Variants in PVT1 observed in about 807,000 individuals in gnomAD.
The protein encoded by PVT1 is CXCR4/PVT1 fusion.
chr8:127,895,419 C>G (rs554756276), intron 3 of PVT1, among the ~76,000 whole-genome samples: 3 of 151,972 alleles, frequency 2.0e-5, no homozygotes, highest in Non-Finnish European at 4.4e-5. Flanking sequence ...TGCAGTGAGC[C>G]GAGATTGCAC....
chr8:128,097,264 G>T (rs1814440946), intron 6 of PVT1, among the ~76,000 whole-genome samples: 1 of 152,150 alleles, frequency 6.6e-6, no homozygotes, highest in Admixed American at 6.5e-5. Context: ...GGAAGGCTGA[G>T]GCAGGAGAAT....
chr8:127,912,397 G>T (rs1377401751), intron 3 of PVT1, among the ~76,000 whole-genome samples: 2 of 152,166 alleles, frequency 1.3e-5, no homozygotes, highest in African/African-American at 4.8e-5. Context: ...GAGGAATTAA[G>T]TAATCTGCCA....
intron 2 of PVT1, among the ~76,000 whole-genome samples, chr8:127,843,883 C>T (rs1326300111): frequency 6.6e-6 from 1 of 151,934 alleles, no homozygotes; most frequent in East Asian, 1.9e-4. Flanking sequence ...TGGACGATGC[C>T]TTCCAAAGCT....
intron 4 of PVT1, chr8:128,008,982 C>A (rs1347839151): frequency 3.9e-6 from 2 of 511,402 alleles, no homozygotes; most frequent in Non-Finnish European, 8.2e-6. Flanking sequence ...CACACAATTG[C>A]AGCCACCTAT....
intron 3 of PVT1, chr8:127,960,601 G>A (rs1225407667): frequency 2.1e-6 from 1 of 470,356 alleles, no homozygotes; most frequent in Non-Finnish European, 4.3e-6. Context: ...AAATCAGCAA[G>A]CTGAAGATAG....
chr8:128,097,809 C>T (rs1003696563), intron 6 of PVT1, among the ~76,000 whole-genome samples: 3 of 152,172 alleles, frequency 2.0e-5, no homozygotes, highest in African/African-American at 4.8e-5. Context: ...GGGCCTTCAG[C>T]GTAGGGATGA....
intron 3 of PVT1, among the ~76,000 whole-genome samples, chr8:127,911,035 G>A (rs891675995): frequency 4.6e-5 from 7 of 152,056 alleles, no homozygotes; most frequent in Non-Finnish European, 7.4e-5. Flanking sequence ...AGAAGGATGG[G>A]GCTATGGGCT....
intron 3 of PVT1, among the ~76,000 whole-genome samples, chr8:127,902,777 T>C (rs1225505273): frequency 6.6e-6 from 1 of 152,244 alleles, no homozygotes; most frequent in African/African-American, 2.4e-5. Flanking sequence ...CATTCTTTTA[T>C]ATGGTTGCAT....
At chr8:128,077,163 T>C (rs1294976573) in intron 5 of PVT1, among the ~76,000 whole-genome samples, 2 of 152,198 alleles carry the variant, frequency 1.3e-5, no homozygotes, top group African/African-American at 4.8e-5. Context: ...GAAAGGTCAG[T>C]GTAAATGGGT....
chr8:127,910,735 C>G (rs537830416), intron 3 of PVT1, among the ~76,000 whole-genome samples: 1 of 151,894 alleles, frequency 6.6e-6, no homozygotes, highest in Non-Finnish European at 1.5e-5. Flanking sequence ...TATAATTAGC[C>G]CCATTTTACA....
intron 3 of PVT1, among the ~76,000 whole-genome samples, chr8:127,984,361 G>C (rs1816919992): frequency 6.6e-6 from 1 of 152,166 alleles, no homozygotes; most frequent in African/African-American, 2.4e-5. Context: ...GGAGCCATCG[G>C]GAAGTAGAGT....
chr8:128,083,579 C>G (rs772949854), intron 5 of PVT1, among the ~76,000 whole-genome samples: 2 of 152,256 alleles, frequency 1.3e-5, no homozygotes. Context: ...AATACCCAAA[C>G]TTGCCCATGC....
chr8:127,836,742 C>T (rs1356338889), intron 2 of PVT1, among the ~76,000 whole-genome samples: 1 of 152,150 alleles, frequency 6.6e-6, no homozygotes, highest in African/African-American at 2.4e-5. Context: ...GAGGAGAGGA[C>T]TGAGGCACAG....
intron 3 of PVT1, among the ~76,000 whole-genome samples, chr8:127,893,543 G>T (rs938521349): frequency 6.6e-6 from 1 of 152,140 alleles, no homozygotes; most frequent in Non-Finnish European, 1.5e-5. Context: ...CACCTTGCCC[G>T]GTCTGTTTTA....
chr8:127,901,363 G>T (rs1815756375), intron 3 of PVT1, among the ~76,000 whole-genome samples: 1 of 152,136 alleles, frequency 6.6e-6, no homozygotes, highest in Non-Finnish European at 1.5e-5. Context: ...ACCACTTTAT[G>T]AGTCTGTCTC....
In PVT1 at chr8:127,848,107, T is replaced by C. The variant is rs78051717; in HGVS notation, n.373-42482T>C. On this transcript the variant is annotated intron_variant and non_coding_transcript_variant, in intron 2 of 10. Coordinates refer to ENST00000651587, the Ensembl canonical transcript of PVT1. ...AGTATATTATCTATCATACATTTAA[T>C]TTAAAAAGTTTATAACCTTGTCATG... Among the ~76,000 whole-genome samples, 129 of 152,278 alleles carry C rather than the reference T, an allele frequency of 8.5e-4. 1 individual carries two copies. The East Asian group carries it at 0.024, about 28-fold the overall frequency.
intron 5 of PVT1, among the ~76,000 whole-genome samples, chr8:128,079,788 G>A (rs1464960519): frequency 3.3e-5 from 5 of 150,822 alleles, no homozygotes; most frequent in Admixed American, 2.6e-4. Context: ...GTAGTGGTGT[G>A]ATCTCGGCTC....
In PVT1 at chr8:128,032,922, C is replaced by T. The variant is rs111268476; in HGVS notation, n.913-37238C>T. Among the ~76,000 whole-genome samples the T allele has an allele frequency of 2.3e-3, 345 of 152,302 alleles. 1 individual carries two copies. Among genetic ancestry groups the T allele is most frequent in the African/African-American group, 7.5e-3 (310 of 41,566 alleles). On this transcript the variant is annotated intron_variant and non_coding_transcript_variant, in intron 4 of 10. Coordinates refer to ENST00000651587, the Ensembl canonical transcript of PVT1. ...TTTGCTAGCACTCCATTGGCTGAGGCGAGTGACCTCACCACACTGAGTGTC... is the reference window on the plus strand; with the variant it reads ...TTTGCTAGCACTCCATTGGCTGAGGTGAGTGACCTCACCACACTGAGTGTC...
intron 2 of PVT1, among the ~76,000 whole-genome samples, chr8:127,821,951 G>A (rs1274030116): frequency 6.6e-6 from 1 of 152,200 alleles, no homozygotes; most frequent in Non-Finnish European, 1.5e-5. Context: ...TATGTGGCAG[G>A]CCTACCAGGT....
Sources: allele counts gnomAD v4.1 joint callset (sites outside exome capture counted in the v4.1 genomes callset), GRCh38; gene constraint gnomAD v4.1.1; transcripts MANE v1.5; gene names NCBI Gene and HGNC (gene_info 2026-07-23, HGNC 2026-07-21).